HAVCR1: variants seen among roughly 807,000 people sequenced by gnomAD.
The protein encoded by HAVCR1 is hepatitis A virus cellular receptor 1.
A neutral mutation model predicts 32.0 loss-of-function variants in HAVCR1; 34 were observed. The ratio of observed to expected loss-of-function variants is 1.06; its 90% confidence interval spans 0.81 to 1.42. HAVCR1 has a LOEUF of 1.42. Among genes scored for constraint, HAVCR1 ranks in the 40% most tolerant of loss-of-function variants. The probability of loss-of-function intolerance (pLI) is 0.00; values close to 1 mark genes in which losing one functional copy is unlikely to be tolerated. For missense variants in HAVCR1, 420 were observed against 442.3 expected, an observed-to-expected ratio of 0.95 and a Z score of 0.45; for synonymous variants, 178 against 170.3, an observed-to-expected ratio of 1.05 and a Z score of -0.35.
intron 4 of HAVCR1, among the ~76,000 whole-genome samples, chr5:157,050,009 C>T (rs533232735): frequency 6.6e-6 from 1 of 152,288 alleles, no homozygotes; most frequent in East Asian, 1.9e-4. Flanking sequence ...TACATGATTC[C>T]CTTCTCTTAG....
At chr5:157,040,798 G>T (rs1754845521) in intron 6 of HAVCR1, among the ~76,000 whole-genome samples, 1 of 152,168 alleles carries the variant, frequency 6.6e-6, no homozygotes, top group African/African-American at 2.4e-5. Context: ...TACTGGGGAG[G>T]CTGAGGCACA....
intron 5 of HAVCR1, among the ~76,000 whole-genome samples, chr5:157,044,853 T>C (rs1175054192): frequency 7.9e-5 from 12 of 152,152 alleles, no homozygotes; most frequent in Non-Finnish European, 1.5e-5. Context: ...TCAATAAAAT[T>C]TCAGTTCAAT....
At chr5:157,046,343 T>C (rs1258716942) in intron 5 of HAVCR1, among the ~76,000 whole-genome samples, 1 of 152,160 alleles carries the variant, frequency 6.6e-6, no homozygotes, top group African/African-American at 2.4e-5. Flanking sequence ...CTCCCAGAGC[T>C]TACCACTAAG....
rs201381654 is a variant in HAVCR1, at chr5:157,052,575, T to G, written c.459A>C (p.Thr153=). The G allele has an allele frequency of 6.7e-7, 1 of 1,486,218 alleles. No individual in the cohort carries two copies. 92.1% of individuals were successfully genotyped at this position (1,486,218 alleles called of 1,614,324 possible). A position where few individuals can be genotyped will look rare whatever the true frequency, so the allele number is the denominator to read the frequency against. The change falls in exon 4 of 9, where the codon ACA becomes ACC. Residue 153 remains threonine, a synonymous_variant. Transcript: ENST00000523175. The part of the protein sequence containing the change: ...TVRTSTTVPT[T]TTVPMTTVPT... ...GAACAGTCGTCATTGGAACAGTCGT[T>G]GTCGTTGGAACAGTGGTGCTCGTTC...
intron 5 of HAVCR1, among the ~76,000 whole-genome samples, chr5:157,044,603 GAAAGAAAGAAAGAGAAAGAAAGAA>G (rs1353012281): frequency 1.3e-5 from 1 of 77,280 alleles, no homozygotes. Context: ...AAGAAAGAAA[GAAAGAAAGAAAGAGAAAGAAAGAA>G]AGAAAGAAAG....
Position 157,052,642 on chromosome 5 carries a change from G to A in HAVCR1, c.392C>T (p.Thr131Ile), listed in dbSNP as rs757301673. 1.9e-6 allele frequency: 3 copies of A among 1,613,276 alleles called. No individual in the cohort carries two copies. Among genetic ancestry groups the A allele is most frequent in the East Asian group, 2.2e-5 (1 of 44,876 alleles). Residue 131 changes from threonine (T) to isoleucine (I), a missense_variant, in exon 4 of 9, where the codon ACT becomes ATT. Coordinates refer to ENST00000523175, the MANE Select transcript of HAVCR1 (RefSeq NM_001173393.3). ...TGGAACAGTTGTGACAATTGGAGTA[G>A]TCGTGACCTTGGCTGGAGTCAGAAA... ...SLEIVPPKVTTTPIVTTVPTV... is the reference protein window; with the variant it reads ...SLEIVPPKVTITPIVTTVPTV...
upstream of HAVCR1, among the ~76,000 whole-genome samples, chr5:157,063,050 G>C (rs1756521479): frequency 6.6e-6 from 1 of 151,328 alleles, no homozygotes. Flanking sequence ...AACCTGGGAG[G>C]TGGAGGTTGC....
At chr5:157,058,172 C>T in intron 1 of HAVCR1, 1 of 520,504 alleles carries the variant, frequency 1.9e-6, no homozygotes, top group Non-Finnish European at 3.4e-6. Flanking sequence ...ACAGGGAAAG[C>T]TGTCCACAGA....
the HAVCR1 span, among the ~76,000 whole-genome samples, chr5:157,064,950 T>A: frequency 6.6e-6 from 1 of 152,142 alleles, no homozygotes; most frequent in South Asian, 2.1e-4. Context: ...TATGTTGAGT[T>A]TGACATGTCT....
intron 5 of HAVCR1, among the ~76,000 whole-genome samples, chr5:157,047,097 T>G (rs900423945): frequency 6.6e-6 from 1 of 152,132 alleles, no homozygotes; most frequent in African/African-American, 2.4e-5. Context: ...ATGTTTGACC[T>G]CAGGAAACAA....
At chr5:157,055,596 T>G in intron 2 of HAVCR1, 63 bp from the exon 3 acceptor site, 1 of 1,044,008 alleles carries the variant, frequency 9.6e-7, no homozygotes, top group Non-Finnish European at 1.4e-6. Flanking sequence ...CTGGGCACAA[T>G]GGCTCACGCC....
At chr5:157,059,995 T>C (rs911933320), upstream of HAVCR1, among the ~76,000 whole-genome samples, 1 of 150,474 alleles carries the variant, frequency 6.6e-6, no homozygotes, top group Non-Finnish European at 1.5e-5. Context: ...AAAAAAAGAT[T>C]GAAAAAAAAA....
intron 2 of HAVCR1, among the ~76,000 whole-genome samples, chr5:157,057,073 T>C (rs2113643368): frequency 6.6e-6 from 1 of 151,730 alleles, no homozygotes; most frequent in South Asian, 2.1e-4. Context: ...TTCCAGCACT[T>C]TGGGAGGCCG....
At chr5:157,044,428 AAAG>A (rs371960394) in intron 5 of HAVCR1, among the ~76,000 whole-genome samples, 2,577 of 26,560 alleles carry the variant, frequency 0.097, 135 homozygotes, top group South Asian at 0.16. Flanking sequence ...AAGGAGAAAG[AAAG>A]AAAGAAAGAA....
At chr5:157,037,408 T>A (rs368298314) in intron 6 of HAVCR1, 47 bp from the exon 7 acceptor site, 104 of 882,656 alleles carry the variant, frequency 1.2e-4, no homozygotes, top group Non-Finnish European at 1.8e-4. Context: ...TAGAAAGTTA[T>A]GAAGAGAAAA....
At chr5:157,050,292 A>C (rs1755661436) in intron 4 of HAVCR1, among the ~76,000 whole-genome samples, 1 of 152,216 alleles carries the variant, frequency 6.6e-6, no homozygotes, top group South Asian at 2.1e-4. Flanking sequence ...AGTTCTGTGC[A>C]AAAGATCTCT....
chr5:157,044,669 GAA>G lies in HAVCR1; in HGVS notation c.782-1989_782-1988del, dbSNP rs1561591610. Among the ~76,000 whole-genome samples, 9 of 147,092 alleles carry G rather than the reference GAA, an allele frequency of 6.1e-5. 1 individual carries two copies. Among genetic ancestry groups the G allele is most frequent in the African/African-American group, 2.2e-4 (9 of 40,298 alleles). On this transcript the variant is annotated intron_variant, in intron 5 of 8. Transcript: ENST00000523175. ...AGAAAGAAAGAAAGAAAGAAAGAAA[GAA>G]AGAAAGGAGGGAGGGAGGAAGGAAG... is the stretch of plus-strand genomic sequence containing the variant.
At chr5:157,051,687 T>C (rs1004461790) in intron 4 of HAVCR1, among the ~76,000 whole-genome samples, 8 of 152,164 alleles carry the variant, frequency 5.3e-5, no homozygotes, top group African/African-American at 9.7e-5. Flanking sequence ...TGCACCACCA[T>C]GTAGAGACAA....
chr5:157,040,906 T>C, intron 6 of HAVCR1, among the ~76,000 whole-genome samples: 1 of 151,858 alleles, frequency 6.6e-6, no homozygotes, highest in South Asian at 2.1e-4. Context: ...GTCTCAAAAA[T>C]AAATAAATAA....
Sources: allele counts gnomAD v4.1 joint callset (sites outside exome capture counted in the v4.1 genomes callset), GRCh38; gene constraint gnomAD v4.1.1; transcripts MANE v1.5; gene names NCBI Gene and HGNC (gene_info 2026-07-23, HGNC 2026-07-21).